ADGRG5: variants seen among roughly 807,000 people sequenced by gnomAD.
ADGRG5 encodes adhesion G protein-coupled receptor G5, also known as G protein-coupled receptor 114.
Under a neutral mutation model 53.2 loss-of-function variants are expected in ADGRG5, and 37 were observed. The observed-to-expected ratio is 0.70, with a 90% CI of 0.53 to 0.91. The LOEUF (loss-of-function observed/expected upper bound fraction) is 0.91, where lower values mean the gene tolerates loss of function less well. Ranked by LOEUF, ADGRG5 falls within the 40% of genes least tolerant of loss-of-function variation. The pLI is 0.00. For missense variants in ADGRG5, 614 were observed against 675.8 expected (o/e 0.91, Z 1.01); for synonymous variants, 277 against 290.4 (o/e 0.95, Z 0.47).
chr16:57,574,276 C>G lies in ADGRG5; in HGVS notation c.1209-539C>G, dbSNP rs2033449295. On this transcript the variant is annotated intron_variant, in intron 10 of 11. Transcript: ENST00000349457. This position sits in a 1 kb window ranked among gnomAD's most constrained non-coding sequence, Gnocchi z 4.4. ...TCTCAGGTTGACACTTGGAGGGTCC[C>G]TGTCCACCAAGCCACAGGTTGGCAG... is the stretch of plus-strand genomic sequence containing the variant. Among the ~76,000 whole-genome samples the G allele has an allele frequency of 6.6e-6, 1 of 152,198 alleles. No homozygotes were observed.
At chr16:57,573,777 A>G (rs1199224005) in intron 10 of ADGRG5, among the ~76,000 whole-genome samples, 1 of 152,176 alleles carries the variant, frequency 6.6e-6, no homozygotes, top group Non-Finnish European at 1.5e-5. Flanking sequence ...GCTAGAGTGC[A>G]GTGGTGCGAT....
chr16:57,575,434 G>A lies in ADGRG5; in HGVS notation c.1487-4G>A, dbSNP rs753487667. ...CCCGTGGAACTCCCGCCTTTCTCTTGCAGGTTTCTTCCTTTTCCTGTGGTT... is the reference window on the plus strand; with the variant it reads ...CCCGTGGAACTCCCGCCTTTCTCTTACAGGTTTCTTCCTTTTCCTGTGGTT... On this transcript the variant is annotated splice_region_variant and splice_polypyrimidine_tract_variant and intron_variant, in intron 11 of 11. Coordinates refer to ENST00000349457, the MANE Select transcript of ADGRG5 (RefSeq NM_001304376.3). 1 of 1,613,890 alleles carries A rather than the reference G, an allele frequency of 6.2e-7. No homozygotes were observed. The highest frequency in any genetic ancestry group is 2.2e-5 in the East Asian group (1 of 44,886).
intron 6 of ADGRG5, chr16:57,565,468 T>C (rs903140236): frequency 1.7e-5 from 7 of 414,198 alleles, no homozygotes; most frequent in Non-Finnish European, 2.5e-5. Flanking sequence ...TCTGATGCCC[T>C]TGTGGCTCAG....
intron 1 of ADGRG5, among the ~76,000 whole-genome samples, chr16:57,555,755 T>C (rs1596781268): frequency 6.6e-6 from 1 of 152,310 alleles, no homozygotes; most frequent in South Asian, 2.1e-4. Context: ...GATATTAATA[T>C]AGCTATTCCC....
chr16:57,573,136 C>T (rs1418449759), intron 10 of ADGRG5, among the ~76,000 whole-genome samples: 1 of 151,954 alleles, frequency 6.6e-6, no homozygotes, highest in African/African-American at 2.4e-5. Flanking sequence ...CGTCTTGAAC[C>T]AAGAATTGGA....
intron 10 of ADGRG5, among the ~76,000 whole-genome samples, chr16:57,572,956 C>T (rs2033402293): frequency 6.6e-6 from 1 of 152,096 alleles, no homozygotes; most frequent in African/African-American, 2.4e-5. Flanking sequence ...CCTGGGGCTT[C>T]AGGATCCAGC....
intron 1 of ADGRG5, among the ~76,000 whole-genome samples, chr16:57,559,636 G>T (rs765452712): frequency 5.3e-5 from 8 of 152,136 alleles, no homozygotes; most frequent in South Asian, 2.1e-4. Context: ...TCTGTGCTCT[G>T]TCAAACATGA....
chr16:57,558,646 G>A (rs566249335), intron 1 of ADGRG5, among the ~76,000 whole-genome samples: 2 of 152,136 alleles, frequency 1.3e-5, no homozygotes, highest in Non-Finnish European at 2.9e-5. Context: ...TTCAGTGCAG[G>A]TACTAGAGTG....
At chr16:57,548,294 A>G (rs1384358211) in intron 1 of ADGRG5, among the ~76,000 whole-genome samples, 7 of 152,114 alleles carry the variant, frequency 4.6e-5, no homozygotes, top group African/African-American at 1.4e-4. Flanking sequence ...TGCAAAAAAT[A>G]GTACAGAACG....
intron 1 of ADGRG5, among the ~76,000 whole-genome samples, chr16:57,558,435 A>G (rs2032929580): frequency 6.6e-6 from 1 of 152,238 alleles, no homozygotes; most frequent in East Asian, 1.9e-4. Context: ...TGCAACACAG[A>G]GGAAATCTCT....
chr16:57,565,204 C>A, intron 6 of ADGRG5, 54 bp downstream of exon 6: 1 of 1,052,846 alleles, frequency 9.5e-7, no homozygotes, highest in Non-Finnish European at 1.5e-6. Context: ...CTGTGACTCT[C>A]CTGTTGAACA....
At chr16:57,575,310 C>T (rs1182294463) in intron 11 of ADGRG5, 128 bp from the exon 12 acceptor site, 21 of 971,614 alleles carry the variant, frequency 2.2e-5, no homozygotes, top group Non-Finnish European at 2.9e-5. Flanking sequence ...GCCCCTCTGG[C>T]CTCCTACAGT....
chr16:57,553,106 G>A (rs2032791788), intron 1 of ADGRG5, among the ~76,000 whole-genome samples: 1 of 152,122 alleles, frequency 6.6e-6, no homozygotes. Context: ...GATCACCACA[G>A]CAGGTATAAT....
upstream of ADGRG5, among the ~76,000 whole-genome samples, chr16:57,538,727 G>A (rs1327768940): frequency 1.3e-5 from 2 of 152,162 alleles, no homozygotes; most frequent in Admixed American, 1.3e-4. Context: ...TCAGGTTTTT[G>A]AGGCGTGTGT....
At chr16:57,571,559 A>G (rs1325017183) in intron 10 of ADGRG5, among the ~76,000 whole-genome samples, 3 of 152,206 alleles carry the variant, frequency 2.0e-5, no homozygotes, top group Non-Finnish European at 2.9e-5. Flanking sequence ...ATGACAACCC[A>G]TAAGGCAAGT....
upstream of ADGRG5, among the ~76,000 whole-genome samples, chr16:57,537,843 T>A (rs1294984915): frequency 1.3e-5 from 2 of 152,242 alleles, no homozygotes; most frequent in Non-Finnish European, 2.9e-5. Context: ...TGAAAGCGTC[T>A]GTTCACCAGC....
upstream of ADGRG5, among the ~76,000 whole-genome samples, chr16:57,538,890 G>A (rs1348127963): frequency 1.3e-5 from 2 of 151,940 alleles, no homozygotes; most frequent in African/African-American, 4.8e-5. Flanking sequence ...CATATAGCTA[G>A]GTAAATAGAA....
intron 1 of ADGRG5, among the ~76,000 whole-genome samples, chr16:57,545,391 G>A (rs1455980861): frequency 6.6e-6 from 1 of 152,158 alleles, no homozygotes; most frequent in Non-Finnish European, 1.5e-5. Context: ...ATTCCTTCAT[G>A]ACACTGGAGT....
chr16:57,548,123 C>T (rs2032662498), intron 1 of ADGRG5, among the ~76,000 whole-genome samples: 1 of 151,644 alleles, frequency 6.6e-6, no homozygotes, highest in Non-Finnish European at 1.5e-5. Context: ...AAGCGATTCT[C>T]CTGCCTTAGT....
Sources: gnomAD v4.1 joint callset for allele counts (sites outside exome capture counted in the v4.1 genomes callset) on GRCh38, gnomAD v4.1.1 for gene constraint, Gnocchi (gnomAD v3.1) non-coding constraint, MANE v1.5 for transcripts, NCBI Gene and HGNC (gene_info 2026-07-23, HGNC 2026-07-21) for gene names.